Variants in SLC39A11 observed in about 807,000 individuals in gnomAD.
SLC39A11 encodes zinc transporter ZIP11.
SLC39A11 carries 33 observed loss-of-function variants against 36.1 expected under a neutral mutation model. The ratio of observed to expected loss-of-function variants is 0.91; its 90% confidence interval spans 0.69 to 1.22. SLC39A11 has a LOEUF of 1.22. SLC39A11 is among the 50% of genes most tolerant of loss of function. The probability of loss-of-function intolerance (pLI) is 0.00; values close to 1 mark genes in which losing one functional copy is unlikely to be tolerated. For synonymous variants in SLC39A11, 166 were observed against 170.3 expected (o/e 0.97, Z 0.20); for missense variants, 432 against 430.3 (o/e 1.00, Z -0.03).
chr17:72,906,941 C>A (rs1340702598), intron 5 of SLC39A11, among the ~76,000 whole-genome samples: 5 of 152,192 alleles, frequency 3.3e-5, no homozygotes, highest in African/African-American at 1.2e-4. Flanking sequence ...GAGATCAGGG[C>A]TGCCTAATCA....
chr17:72,739,237 C>T (rs563762878), intron 6 of SLC39A11, among the ~76,000 whole-genome samples: 21 of 151,912 alleles, frequency 1.4e-4, no homozygotes, highest in African/African-American at 4.8e-4. Flanking sequence ...AAGTGAGTCT[C>T]CTGCCTCAGC....
chr17:72,834,943 T>G (rs374237501), intron 6 of SLC39A11, among the ~76,000 whole-genome samples: 2 of 152,256 alleles, frequency 1.3e-5, no homozygotes, highest in East Asian at 3.9e-4. Flanking sequence ...TCTGCGCGTC[T>G]GTCGCCTGTG....
chr17:72,880,978 G>A (rs2081173071), intron 5 of SLC39A11, among the ~76,000 whole-genome samples: 1 of 148,640 alleles, frequency 6.7e-6, no homozygotes, highest in Admixed American at 6.7e-5. Flanking sequence ...TCTGCACCCG[G>A]CCTAAGATAA....
chr17:72,853,186 T>C (rs572646916), intron 5 of SLC39A11, among the ~76,000 whole-genome samples: 2 of 138,168 alleles, frequency 1.4e-5, no homozygotes, highest in East Asian at 2.5e-4. Context: ...AGCTAACTTT[T>C]GTATTTTTTT....
intron 7 of SLC39A11, among the ~76,000 whole-genome samples, chr17:72,721,286 G>A (rs529999541): frequency 1.3e-4 from 20 of 151,976 alleles, no homozygotes; most frequent in African/African-American, 3.1e-4. Context: ...TACTAGAGAC[G>A]GGGTTTCACC....
intron 5 of SLC39A11, among the ~76,000 whole-genome samples, chr17:72,893,495 G>C (rs1456722838): frequency 1.3e-5 from 2 of 152,112 alleles, no homozygotes; most frequent in African/African-American, 2.4e-5. Flanking sequence ...ACGGACCACA[G>C]AAGCTCAATA....
At chr17:72,895,129 G>T (rs2081966071) in intron 5 of SLC39A11, among the ~76,000 whole-genome samples, 1 of 152,156 alleles carries the variant, frequency 6.6e-6, no homozygotes, top group Admixed American at 6.5e-5. Flanking sequence ...GGTGCTAGTC[G>T]CATTGGTAGG....
chr17:72,839,131 G>A (rs2078696965), intron 6 of SLC39A11: 1 of 152,128 alleles, frequency 6.6e-6, no homozygotes, highest in Non-Finnish European at 1.5e-5. Context: ...ATAGCCCATG[G>A]GAGTCCCAGG....
At chr17:72,959,138 C>T (rs953930091) in intron 4 of SLC39A11, among the ~76,000 whole-genome samples, 1 of 151,426 alleles carries the variant, frequency 6.6e-6, no homozygotes, top group Non-Finnish European at 1.5e-5. Flanking sequence ...AGTACAAATA[C>T]CATTTGATCC....
chr17:73,057,750 G>C (rs564592595), intron 3 of SLC39A11, among the ~76,000 whole-genome samples: 13 of 152,118 alleles, frequency 8.5e-5, no homozygotes, highest in African/African-American at 2.9e-4. Flanking sequence ...CCAGCCTGGC[G>C]AACATGGTGA....
chr17:72,958,279 A>C (rs932546555), intron 4 of SLC39A11, among the ~76,000 whole-genome samples: 5 of 152,194 alleles, frequency 3.3e-5, no homozygotes, highest in Admixed American at 2.0e-4. Context: ...CATTGGAAAA[A>C]CCCTTCTAGA....
intron 6 of SLC39A11, among the ~76,000 whole-genome samples, chr17:72,757,762 C>G (rs764731562): frequency 6.6e-6 from 1 of 152,064 alleles, no homozygotes; most frequent in African/African-American, 2.4e-5. Context: ...GCTCCCTAGT[C>G]TGGGTTAGGA....
At chr17:72,678,900 G>T (rs1421388135) in intron 7 of SLC39A11, among the ~76,000 whole-genome samples, 1 of 152,110 alleles carries the variant, frequency 6.6e-6, no homozygotes, top group Non-Finnish European at 1.5e-5. Context: ...AATGGATAAA[G>T]AAAATGTGGT....
At chr17:72,785,726 T>A (rs1392813997) in intron 6 of SLC39A11, among the ~76,000 whole-genome samples, 1 of 152,186 alleles carries the variant, frequency 6.6e-6, no homozygotes, top group East Asian at 1.9e-4. Flanking sequence ...ATTACAGAAA[T>A]GCTGGATACA....
At chr17:72,730,927 T>G (rs2074191701) in intron 7 of SLC39A11, among the ~76,000 whole-genome samples, 1 of 152,228 alleles carries the variant, frequency 6.6e-6, no homozygotes, top group African/African-American at 2.4e-5. Flanking sequence ...ATTTTTTGTA[T>G]TTTTAGTAGA....
intron 7 of SLC39A11, among the ~76,000 whole-genome samples, chr17:72,719,898 G>A (rs775839428): frequency 1.8e-4 from 28 of 152,208 alleles, no homozygotes; most frequent in Non-Finnish European, 3.7e-4. Context: ...GCTGCCCGGC[G>A]GATGGGGGAG....
intron 3 of SLC39A11, among the ~76,000 whole-genome samples, chr17:73,036,126 ACC>A (rs2058906777): frequency 6.6e-6 from 1 of 152,078 alleles, no homozygotes; most frequent in Non-Finnish European, 1.5e-5. Context: ...TGGACTTCAG[ACC>A]TCCAGTACTG....
chr17:72,978,322 C>T (rs770657709), intron 4 of SLC39A11, among the ~76,000 whole-genome samples: 3 of 152,148 alleles, frequency 2.0e-5, no homozygotes, highest in East Asian at 1.9e-4. Flanking sequence ...GTTGGCGACA[C>T]GGCCAAGAAC....
intron 5 of SLC39A11, among the ~76,000 whole-genome samples, chr17:72,931,868 G>C (rs978659725): frequency 2.0e-5 from 3 of 152,106 alleles, no homozygotes; most frequent in African/African-American, 7.2e-5. Flanking sequence ...AGGCAAGGGG[G>C]AAGATGAACA....
Sources: gnomAD v4.1 joint callset for allele counts (sites outside exome capture counted in the v4.1 genomes callset) on GRCh38, gnomAD v4.1.1 for gene constraint, MANE v1.5 for transcripts, NCBI Gene and HGNC (gene_info 2026-07-23, HGNC 2026-07-21) for gene names.